AGBL4: variants seen among roughly 807,000 people sequenced by gnomAD.
The protein encoded by AGBL4 is cytosolic carboxypeptidase 6.
AGBL4 carries 58 observed loss-of-function variants against 66.4 expected under a neutral mutation model. The ratio of observed to expected loss-of-function variants is 0.87; its 90% CI spans 0.71 to 1.09. The LOEUF (loss-of-function observed/expected upper bound fraction) is 1.09. Ranked by LOEUF, AGBL4 falls within the 50% of genes least tolerant of loss-of-function variation. AGBL4 has a pLI of 0.00. For missense variants in AGBL4, 579 were observed against 631.0 expected (o/e 0.92, Z 0.88); for synonymous variants, 234 against 222.9 (o/e 1.05, Z -0.44).
intron 3 of AGBL4, among the ~76,000 whole-genome samples, chr1:49,408,930 C>T (rs778593634): frequency 8.5e-5 from 13 of 152,186 alleles, no homozygotes; most frequent in African/African-American, 1.4e-4. Context: ...TCCTGTCCCT[C>T]TAGAGAACAC....
At chr1:49,143,412 G>A (rs1646156383) in intron 4 of AGBL4, among the ~76,000 whole-genome samples, 1 of 152,144 alleles carries the variant, frequency 6.6e-6, no homozygotes, top group South Asian at 2.1e-4. Context: ...GTGTCCCTAA[G>A]CACAGCCTTT....
At chr1:49,482,332 C>T (rs915240179) in intron 3 of AGBL4, among the ~76,000 whole-genome samples, 2 of 151,812 alleles carry the variant, frequency 1.3e-5, no homozygotes, top group Non-Finnish European at 2.9e-5. Flanking sequence ...TTGGGCTGAT[C>T]GGAAATTCAG....
At chr1:49,223,605 A>T (rs964332043) in intron 4 of AGBL4, among the ~76,000 whole-genome samples, 1 of 152,158 alleles carries the variant, frequency 6.6e-6, no homozygotes, top group Non-Finnish European at 1.5e-5. Context: ...ATTATTATTA[A>T]TTTCAAACTG....
intron 1 of AGBL4, among the ~76,000 whole-genome samples, chr1:50,010,715 G>A (rs1661473433): frequency 1.3e-5 from 2 of 152,026 alleles, no homozygotes; most frequent in South Asian, 4.1e-4. Context: ...CATACACTGG[G>A]GAAAGGACAG....
At chr1:49,343,329 T>C (rs1281206679) in intron 3 of AGBL4, among the ~76,000 whole-genome samples, 1 of 152,170 alleles carries the variant, frequency 6.6e-6, no homozygotes, top group East Asian at 1.9e-4. Flanking sequence ...AAGGCTCTGT[T>C]CTGTTTTGCA....
intron 3 of AGBL4, among the ~76,000 whole-genome samples, chr1:49,616,805 C>G (rs1273673614): frequency 6.6e-6 from 1 of 152,170 alleles, no homozygotes; most frequent in East Asian, 1.9e-4. Flanking sequence ...ATCCTTGACT[C>G]ATTTCATTAT....
At chr1:48,764,834 A>T (rs910722952) in intron 6 of AGBL4, among the ~76,000 whole-genome samples, 4 of 152,184 alleles carry the variant, frequency 2.6e-5, no homozygotes, top group Admixed American at 2.6e-4. Flanking sequence ...CGTGCAGACA[A>T]AGGTGCAGCG....
At chr1:49,135,562 T>G (rs1645994732) in intron 4 of AGBL4, among the ~76,000 whole-genome samples, 1 of 152,146 alleles carries the variant, frequency 6.6e-6, no homozygotes, top group African/African-American at 2.4e-5. Context: ...TTAGCATTGT[T>G]TCTACAGATA....
intron 4 of AGBL4, among the ~76,000 whole-genome samples, chr1:49,053,779 T>C (rs1644262351): frequency 6.6e-6 from 1 of 152,182 alleles, no homozygotes; most frequent in Admixed American, 6.6e-5. Flanking sequence ...AAGTTAACTA[T>C]TAAATTTCCA....
chr1:48,841,833 T>C (rs1646812960), intron 6 of AGBL4, among the ~76,000 whole-genome samples: 1 of 152,186 alleles, frequency 6.6e-6, no homozygotes, highest in Non-Finnish European at 1.5e-5. Context: ...TAAAAAAATC[T>C]GTGGCAATTA....
rs1169805560 is a variant in AGBL4, at chr1:49,714,593, TAC to T, written c.158-17158_158-17157del. ...ACATATATATATATATATATATATATACACACACACACATATATATATATCTA... is the reference window on the plus strand; with the variant it reads ...ACATATATATATATATATATATATATACACACACACATATATATATATCTA... On this transcript the variant is annotated intron_variant, in intron 2 of 13. Coordinates refer to ENST00000371839, the MANE Select transcript of AGBL4 (RefSeq NM_032785.4). 6.3e-4 allele frequency among the ~76,000 whole-genome samples: 72 copies of T among 113,982 alleles called. 2 individuals carry two copies. In the South Asian group the frequency reaches 0.013, roughly 21 times the overall value. The allele number at this position is 113,982 out of a possible 152,430, so 74.8% of individuals were successfully genotyped here.
intron 3 of AGBL4, among the ~76,000 whole-genome samples, chr1:49,613,818 C>T (rs1645200407): frequency 6.6e-6 from 1 of 151,998 alleles, no homozygotes. Flanking sequence ...TTGAATCATC[C>T]CAAAACCATC....
chr1:48,646,787 T>G (rs1645843978), intron 8 of AGBL4, among the ~76,000 whole-genome samples: 1 of 152,048 alleles, frequency 6.6e-6, no homozygotes, highest in Non-Finnish European at 1.5e-5. Flanking sequence ...GCAAGTTCCG[T>G]GGTAATTATG....
intron 2 of AGBL4, among the ~76,000 whole-genome samples, chr1:49,769,344 T>C (rs925724908): frequency 3.3e-5 from 5 of 152,164 alleles, no homozygotes; most frequent in African/African-American, 4.8e-5. Context: ...CTATATTCCA[T>C]GCTCAGGTAT....
intron 5 of AGBL4, among the ~76,000 whole-genome samples, chr1:48,977,995 C>T (rs868369929): frequency 3.3e-5 from 5 of 152,244 alleles, no homozygotes; most frequent in Middle Eastern, 3.4e-3. Flanking sequence ...TGACTAAAAG[C>T]CATTGCTCAG....
chr1:49,971,301 T>C (rs1045427827), intron 1 of AGBL4, among the ~76,000 whole-genome samples: 1 of 152,212 alleles, frequency 6.6e-6, no homozygotes, highest in Non-Finnish European at 1.5e-5. Context: ...ATACTATATA[T>C]GCTACCTGCC....
chr1:49,615,142 G>C (rs1645226988), intron 3 of AGBL4, among the ~76,000 whole-genome samples: 2 of 152,044 alleles, frequency 1.3e-5, no homozygotes, highest in Non-Finnish European at 2.9e-5. Context: ...ACTGCATTAT[G>C]ATGCTTCCCA....
intron 6 of AGBL4, among the ~76,000 whole-genome samples, chr1:48,793,093 T>G (rs1244213138): frequency 6.6e-6 from 1 of 152,214 alleles, no homozygotes; most frequent in East Asian, 1.9e-4. Flanking sequence ...AGCTTTACTG[T>G]CTCTGGTTCT....
At chr1:49,355,049 C>T in intron 3 of AGBL4, among the ~76,000 whole-genome samples, 1 of 152,098 alleles carries the variant, frequency 6.6e-6, no homozygotes, top group Admixed American at 6.5e-5. Context: ...AGGAAGGGAT[C>T]AGAATACCCA....
Sources: allele counts gnomAD v4.1 joint callset (sites outside exome capture counted in the v4.1 genomes callset), GRCh38; gene constraint gnomAD v4.1.1; transcripts MANE v1.5; gene names NCBI Gene and HGNC (gene_info 2026-07-23, HGNC 2026-07-21).